The following VOPP1 variants were observed in gnomAD, a reference collection of about 807,000 sequenced individuals.
VOPP1 encodes the protein VOPP1 WW domain binding protein.
Under a neutral mutation model 23.5 loss-of-function variants are expected in VOPP1, and 8 were observed. The observed-to-expected ratio is 0.34, with a 90% CI of 0.20 to 0.61. VOPP1 has a LOEUF of 0.61. Ranked by LOEUF, VOPP1 falls within the 20% of genes least tolerant of loss-of-function variation. VOPP1 has a pLI of 0.78. For synonymous variants in VOPP1, 83 were observed against 97.3 expected, an observed-to-expected ratio of 0.85 and a Z score of 0.86; for missense variants, 174 against 238.1, an observed-to-expected ratio of 0.73 and a Z score of 1.77.
In VOPP1 at chr7:55,567,158, A is replaced by C. The variant is rs1798189036; in HGVS notation, c.54+5113T>G. On this transcript the variant is annotated intron_variant, in intron 1 of 4. Coordinates refer to ENST00000285279, the MANE Select transcript of VOPP1 (RefSeq NM_030796.5). ...GCCCATCTACTCAGCTCCTGCCCAC[A>C]GGGCTCTTACCACTGACGGCTTTAC... Among the ~76,000 whole-genome samples the C allele has an allele frequency of 2.6e-5, 4 of 152,324 alleles. No homozygotes were observed. The South Asian group carries it at 8.3e-4, about 32-fold the overall frequency.
intron 1 of VOPP1, among the ~76,000 whole-genome samples, chr7:55,549,955 C>T (rs1461636332): frequency 1.3e-5 from 2 of 152,218 alleles, no homozygotes; most frequent in African/African-American, 2.4e-5. Flanking sequence ...ACTGCCTACC[C>T]GGACCAGGAA....
At chr7:55,534,035 T>C (rs979707454) in intron 1 of VOPP1, among the ~76,000 whole-genome samples, 1 of 151,950 alleles carries the variant, frequency 6.6e-6, no homozygotes, top group Non-Finnish European at 1.5e-5. Context: ...ACCAGCAAAC[T>C]GTACAGCTGT....
intron 2 of VOPP1, among the ~76,000 whole-genome samples, chr7:55,512,994 C>T (rs905152243): frequency 6.6e-6 from 1 of 152,238 alleles, no homozygotes; most frequent in Non-Finnish European, 1.5e-5. Context: ...AACAGCACTT[C>T]ATCCACTCAC....
intron 1 of VOPP1, among the ~76,000 whole-genome samples, chr7:55,538,399 A>C (rs967005720): frequency 6.6e-6 from 1 of 152,178 alleles, no homozygotes; most frequent in Non-Finnish European, 1.5e-5. Context: ...ATTCAGACTT[A>C]TTCTTGAAAT....
chr7:55,536,476 C>T (rs1314931904), intron 1 of VOPP1, among the ~76,000 whole-genome samples: 1 of 152,100 alleles, frequency 6.6e-6, no homozygotes, highest in Non-Finnish European at 1.5e-5. Flanking sequence ...TTGCAGTGAG[C>T]CGAGATTGCA....
chr7:55,570,861 G>T (rs1798327413), intron 1 of VOPP1, among the ~76,000 whole-genome samples: 1 of 152,058 alleles, frequency 6.6e-6, no homozygotes, highest in African/African-American at 2.4e-5. Context: ...AGAATAGCTT[G>T]AACCCAGGAG....
At chr7:55,459,106 TCAAA>T (rs1376923427) in intron 4 of VOPP1, among the ~76,000 whole-genome samples, 2 of 152,136 alleles carry the variant, frequency 1.3e-5, no homozygotes, top group African/African-American at 4.8e-5. Flanking sequence ...ACTGAATTTA[TCAAA>T]CAATTTTCTG....
intron 4 of VOPP1, among the ~76,000 whole-genome samples, chr7:55,448,987 C>T (rs1244200012): frequency 6.6e-6 from 1 of 152,210 alleles, no homozygotes; most frequent in Non-Finnish European, 1.5e-5. Flanking sequence ...CGTTGAAATA[C>T]CATGAAAAAT....
At chr7:55,569,553 T>G (rs1393873588) in intron 1 of VOPP1, among the ~76,000 whole-genome samples, 1 of 152,146 alleles carries the variant, frequency 6.6e-6, no homozygotes, top group Non-Finnish European at 1.5e-5. Context: ...GCCCTCACAC[T>G]TAACAGCAGT....
At chr7:55,562,613 G>T (rs541458673) in intron 1 of VOPP1, among the ~76,000 whole-genome samples, 1 of 152,192 alleles carries the variant, frequency 6.6e-6, no homozygotes, top group Non-Finnish European at 1.5e-5. Context: ...GAGTGAGGGG[G>T]TCAACGGATA....
At chr7:55,516,575 G>A (rs1403207004) in intron 2 of VOPP1, among the ~76,000 whole-genome samples, 1 of 152,154 alleles carries the variant, frequency 6.6e-6, no homozygotes, top group African/African-American at 2.4e-5. Flanking sequence ...GGCAGAGTAG[G>A]GAGAAGGCGG....
At chr7:55,526,369 C>A (rs1355888187) in intron 1 of VOPP1, among the ~76,000 whole-genome samples, 1 of 152,068 alleles carries the variant, frequency 6.6e-6, no homozygotes, top group African/African-American at 2.4e-5. Context: ...CTAAATAAGC[C>A]CCAGAGAATA....
intron 4 of VOPP1, among the ~76,000 whole-genome samples, chr7:55,441,495 T>C (rs1271505756): frequency 6.6e-6 from 1 of 152,208 alleles, no homozygotes; most frequent in East Asian, 1.9e-4. Flanking sequence ...TGGGTTCCAA[T>C]CTGGGCTTTG....
chr7:55,455,131 C>T lies in VOPP1; in HGVS notation n.418-18957G>A, dbSNP rs572662046. ...AAAGTCTCAGGATACAAAATCAACACGCAAAAATCACAAGCATTCCTACAC... is the reference window on the plus strand; with the variant it reads ...AAAGTCTCAGGATACAAAATCAACATGCAAAAATCACAAGCATTCCTACAC... On this transcript the variant is annotated intron_variant and non_coding_transcript_variant, in intron 4 of 4. Coordinates refer to the VOPP1 transcript ENST00000462326. Among the ~76,000 whole-genome samples the T allele has an allele frequency of 2.0e-4, 31 of 152,164 alleles. No homozygotes were observed. In the East Asian group the frequency reaches 4.8e-3, roughly 24 times the overall value.
intron 4 of VOPP1, among the ~76,000 whole-genome samples, chr7:55,480,495 A>G (rs950059253): frequency 6.6e-6 from 1 of 152,136 alleles, no homozygotes; most frequent in Non-Finnish European, 1.5e-5. Flanking sequence ...GATTTGCTCT[A>G]TTGCTTTTTA....
intron 4 of VOPP1, among the ~76,000 whole-genome samples, chr7:55,456,260 G>A (rs770918928): frequency 2.6e-5 from 4 of 152,172 alleles, no homozygotes; most frequent in Non-Finnish European, 5.9e-5. Context: ...ACCAACTCGT[G>A]CCAGTTAGAA....
At chr7:55,448,169 T>G (rs1403656589) in intron 4 of VOPP1, among the ~76,000 whole-genome samples, 3 of 151,880 alleles carry the variant, frequency 2.0e-5, no homozygotes, top group African/African-American at 7.2e-5. Context: ...ATCCAGTATT[T>G]TACTCTGAGG....
intron 4 of VOPP1, among the ~76,000 whole-genome samples, chr7:55,458,309 C>T (rs1257868596): frequency 6.6e-6 from 1 of 152,052 alleles, no homozygotes; most frequent in East Asian, 1.9e-4. Flanking sequence ...ATACTATGCT[C>T]TTTGGGTTAC....
chr7:55,437,475 G>A (rs1790859919), intron 4 of VOPP1, among the ~76,000 whole-genome samples: 1 of 152,194 alleles, frequency 6.6e-6, no homozygotes, highest in Non-Finnish European at 1.5e-5. Context: ...TGCTGCCTGT[G>A]GGGATTTCAT....
Sources: gnomAD v4.1 joint callset for allele counts (sites outside exome capture counted in the v4.1 genomes callset) on GRCh38, gnomAD v4.1.1 for gene constraint, MANE v1.5 for transcripts, NCBI Gene and HGNC (gene_info 2026-07-23, HGNC 2026-07-21) for gene names.